The following MINDY4 variants were observed in gnomAD, a reference collection of about 807,000 sequenced individuals.
MINDY4 encodes the protein MINDY lysine 48 deubiquitinase 4.
In MINDY4, 68 loss-of-function variants were observed where a neutral mutation model predicts 87.0. The ratio of observed to expected loss-of-function variants is 0.78; its 90% CI spans 0.64 to 0.96. The LOEUF (loss-of-function observed/expected upper bound fraction) is 0.96, where lower values mean the gene tolerates loss of function less well. Ranked by LOEUF, MINDY4 falls within the 40% of genes least tolerant of loss-of-function variation. The probability of loss-of-function intolerance (pLI) is 0.00; values close to 1 mark genes in which losing one functional copy is unlikely to be tolerated. For missense variants in MINDY4, 919 were observed against 928.2 expected, an observed-to-expected ratio of 0.99 and a Z score of 0.13; for synonymous variants, 379 against 363.2, an observed-to-expected ratio of 1.04 and a Z score of -0.50.
chr7:30,837,803 A>G (rs187069992), intron 7 of MINDY4, among the ~76,000 whole-genome samples: 202 of 152,332 alleles, frequency 1.3e-3, no homozygotes, highest in Non-Finnish European at 2.0e-3. Flanking sequence ...TGGAAAGCAG[A>G]GTCCAGGTTC....
At chr7:30,773,884 CCT>C (rs1338520696) in intron 1 of MINDY4, among the ~76,000 whole-genome samples, 3 of 152,196 alleles carry the variant, frequency 2.0e-5, no homozygotes, top group Non-Finnish European at 4.4e-5. Context: ...AACCCACCTA[CCT>C]CTCACCCACC....
Position 30,839,241 on chromosome 7 carries a change from C to G in MINDY4, c.1281C>G (p.Phe427Leu). The change falls in exon 8 of 18, where the codon TTC becomes TTG. Residue 427 changes from phenylalanine (F) to leucine (L), a missense_variant. By Grantham distance (22) the Phe-to-Leu change is conservative. Coordinates refer to ENST00000265299, the MANE Select transcript of MINDY4 (RefSeq NM_032222.3). ...TGTTTGGTTCCAGCTTTTGCTGTTT[C>G]AATGAAGAATGGAAACTTCAGAGTT... Reference protein sequence around the residue: ...TLLFGSSFCCFNEEWKLQSFS... With the variant: ...TLLFGSSFCCLNEEWKLQSFS... 6.2e-7 allele frequency: 1 copy of G among 1,612,184 alleles called. No homozygotes were observed. The highest frequency in any genetic ancestry group is 8.5e-7 in the Non-Finnish European group (1 of 1,179,352).
chr7:30,823,981 C>A (rs1720029116), intron 5 of MINDY4, among the ~76,000 whole-genome samples: 1 of 152,140 alleles, frequency 6.6e-6, no homozygotes, highest in South Asian at 2.1e-4. Context: ...ATTCTAGATT[C>A]TTGTGCCATA....
In MINDY4 at chr7:30,791,391, G is replaced by A. The variant is rs781526610; in HGVS notation, c.890G>A (p.Arg297Gln). 1.4e-5 allele frequency: 22 copies of A among 1,613,960 alleles called. No homozygotes were observed. The African/African-American group carries it at 1.6e-4, about 12-fold the overall frequency. Reference sequence around the variant, plus strand: ...AGCCCTCCCCATCTGCCCAGCAAACGGCTGCCCCCATGGGACAGGGCCAGG... The same window carrying A: ...AGCCCTCCCCATCTGCCCAGCAAACAGCTGCCCCCATGGGACAGGGCCAGG... ...ASSPPHLPSKRLPPWDRARPR... is the reference protein window; with the variant it reads ...ASSPPHLPSKQLPPWDRARPR... Residue 297 changes from arginine to glutamine, a missense_variant, in exon 5 of 18, where the codon CGG (arginine) becomes CAG (glutamine). Transcript: ENST00000265299.
chr7:30,798,089 C>G (rs1040522496), intron 5 of MINDY4, among the ~76,000 whole-genome samples: 1 of 152,124 alleles, frequency 6.6e-6, no homozygotes, highest in African/African-American at 2.4e-5. Flanking sequence ...ATGGTGCAGC[C>G]TACTACACAC....
chr7:30,875,805 T>G (rs1037786468), intron 15 of MINDY4, 149 bp downstream of exon 15: 5 of 845,960 alleles, frequency 5.9e-6, no homozygotes, highest in East Asian at 5.1e-5. Flanking sequence ...TGGGAAGAAG[T>G]ACAGCTTCTC....
At chr7:30,809,479 A>G (rs1787919091) in intron 5 of MINDY4, among the ~76,000 whole-genome samples, 1 of 152,002 alleles carries the variant, frequency 6.6e-6, no homozygotes, top group Admixed American at 6.5e-5. Context: ...TTACCATACA[A>G]AGGCCCGACC....
At position 30,828,687 on chromosome 7, in the gene MINDY4, A is replaced by G; in HGVS notation, c.1082A>G (p.Gln361Arg). Residue 361 changes from glutamine to arginine, a missense_variant, in exon 6 of 18, where the codon CAG (glutamine) becomes CGG (arginine). Gln to Arg is a conservative substitution (Grantham distance 43). Coordinates refer to ENST00000265299, the MANE Select transcript of MINDY4 (RefSeq NM_032222.3). ...TATTTTCTATTTTCCAGGAAAAATC[A>G]GTTGCTGCCGTCTGACAAGGTGGAT... Reference protein sequence around the residue: ...GSQPAPVRKNQLLPSDKVDGE... With the variant: ...GSQPAPVRKNRLLPSDKVDGE... 6.2e-7 allele frequency: 1 copy of G among 1,614,012 alleles called. No individual in the cohort carries two copies. Among genetic ancestry groups the G allele is most frequent in the South Asian group, 1.1e-5 (1 of 91,080 alleles).
intron 13 of MINDY4, among the ~76,000 whole-genome samples, chr7:30,864,899 C>T (rs1465313069): frequency 2.0e-5 from 3 of 152,228 alleles, no homozygotes; most frequent in African/African-American, 7.2e-5. Context: ...GCAGTGCTCA[C>T]CCCGTCAGAG....
chr7:30,870,822 C>T (rs1790079990), intron 13 of MINDY4, among the ~76,000 whole-genome samples: 1 of 152,232 alleles, frequency 6.6e-6, no homozygotes. Context: ...TGGGTCTCCT[C>T]TCTAAATGTT....
chr7:30,848,605 A>G (rs367858687), intron 9 of MINDY4, among the ~76,000 whole-genome samples: 2 of 152,120 alleles, frequency 1.3e-5, no homozygotes, highest in African/African-American at 2.4e-5. Flanking sequence ...ACCTAGAGCA[A>G]TGTTTTCTCA....
At chr7:30,845,335 G>A (rs1472590455) in intron 9 of MINDY4, among the ~76,000 whole-genome samples, 9 of 152,118 alleles carry the variant, frequency 5.9e-5, no homozygotes, top group South Asian at 2.1e-4. Context: ...GGGAAACACT[G>A]GGTCACGTGG....
intron 5 of MINDY4, among the ~76,000 whole-genome samples, chr7:30,812,279 G>C (rs934989633): frequency 8.2e-5 from 8 of 97,364 alleles, no homozygotes; most frequent in Non-Finnish European, 1.4e-4. Flanking sequence ...TGAGGGGGGG[G>C]GGGTATGTAT....
At chr7:30,820,596 A>G (rs1199152099) in intron 5 of MINDY4, among the ~76,000 whole-genome samples, 1 of 152,144 alleles carries the variant, frequency 6.6e-6, no homozygotes, top group Non-Finnish European at 1.5e-5. Flanking sequence ...TATAATATAT[A>G]AACTTACGGT....
At chr7:30,775,542 T>C (rs967484466) in intron 1 of MINDY4, among the ~76,000 whole-genome samples, 1 of 152,192 alleles carries the variant, frequency 6.6e-6, no homozygotes, top group Admixed American at 6.5e-5. Flanking sequence ...TTCTGCTATA[T>C]AGGAATGTTT....
chr7:30,846,070 T>C (rs563504321), intron 9 of MINDY4, among the ~76,000 whole-genome samples: 8 of 152,246 alleles, frequency 5.3e-5, no homozygotes, highest in African/African-American at 1.9e-4. Flanking sequence ...GAAGTCCTCC[T>C]CTCACTTCCA....
intron 17 of MINDY4, among the ~76,000 whole-genome samples, chr7:30,886,458 C>T (rs900114905): frequency 6.6e-6 from 1 of 152,236 alleles, no homozygotes; most frequent in African/African-American, 2.4e-5. Context: ...TGTCTGGCAG[C>T]TTGCTTGGCT....
At chr7:30,890,314 T>G (rs925853905) in intron 17 of MINDY4, among the ~76,000 whole-genome samples, 5 of 152,246 alleles carry the variant, frequency 3.3e-5, no homozygotes, top group African/African-American at 4.8e-5. Context: ...GTCTTGTGTC[T>G]AGACTAGGAT....
rs150912573 is a variant in MINDY4 at position 30,830,814 on chromosome 7, T to C, written c.1132+2077T>C. On this transcript the variant is annotated intron_variant, in intron 6 of 17. Transcript: ENST00000265299. ...GGACTCTGAAGAATGGGCAAGGTCT[T>C]GTCAAATAGCGATGTGGAAGGAGCC... is the stretch of plus-strand genomic sequence containing the variant. Among the ~76,000 whole-genome samples, 106 of 152,310 alleles carry C rather than the reference T, an allele frequency of 7.0e-4. 1 individual carries two copies. Among genetic ancestry groups the C allele is most frequent in the Middle Eastern group, 6.8e-3 (2 of 294 alleles).
Sources: gnomAD v4.1 joint callset for allele counts (sites outside exome capture counted in the v4.1 genomes callset) on GRCh38, gnomAD v4.1.1 for gene constraint, MANE v1.5 for transcripts, NCBI Gene and HGNC (gene_info 2026-07-23, HGNC 2026-07-21) for gene names.